PDILT: variants seen among roughly 807,000 people sequenced by gnomAD.
PDILT encodes the protein protein disulfide-isomerase-like protein of the testis.
A neutral mutation model predicts 53.7 loss-of-function variants in PDILT; 43 were observed. The ratio of observed to expected loss-of-function variants is 0.80; its 90% CI spans 0.63 to 1.03. The LOEUF is 1.03. PDILT is among the 50% of genes least tolerant of loss of function. The pLI is 0.00. For missense variants in PDILT, 727 were observed against 712.3 expected (o/e 1.02, Z -0.24); for synonymous variants, 282 against 274.2 (o/e 1.03, Z -0.28).
intron 2 of PDILT, 61 bp from the exon 3 acceptor site, chr16:20,384,912 G>A: frequency 6.6e-7 from 1 of 1,522,652 alleles, no homozygotes; most frequent in Non-Finnish European, 9.1e-7. Context: ...TCCAACAGTA[G>A]ATTATTTGTT....
chr16:20,386,381 C>A lies in PDILT; in HGVS notation c.203-1530G>T, dbSNP rs142006574. The stretch of plus-strand genomic sequence containing the variant: ...AGGGGGTCATTGATTGCCTTTCAAG[C>A]CAGAACATTTTATCTTTTTCACTGC... On this transcript the variant is annotated intron_variant, in intron 2 of 11. Transcript: ENST00000302451. Among the ~76,000 whole-genome samples, 803 of 152,284 alleles carry A rather than the reference C, an allele frequency of 5.3e-3. 16 individuals are homozygous for A. In the South Asian group the frequency reaches 0.06, roughly 11 times the overall value.
At chr16:20,364,816 G>A (rs1966166699) in intron 9 of PDILT, among the ~76,000 whole-genome samples, 2 of 152,170 alleles carry the variant, frequency 1.3e-5, no homozygotes, top group Non-Finnish European at 2.9e-5. Context: ...TATGCCAGAC[G>A]CTGTGCTAAG....
At chr16:20,402,541 C>A (rs140232342) in intron 1 of PDILT, among the ~76,000 whole-genome samples, 1 of 152,140 alleles carries the variant, frequency 6.6e-6, no homozygotes, top group African/African-American at 2.4e-5. Context: ...TCAGGTGATC[C>A]GCCCACCTCG....
At chr16:20,372,765 C>T in intron 7 of PDILT, 37 bp downstream of exon 7, 1 of 1,601,060 alleles carries the variant, frequency 6.2e-7, no homozygotes, top group Non-Finnish European at 8.5e-7. Context: ...GGATCCTCAT[C>T]CAGGAGTCCC....
rs763787161 is a variant in PDILT at position 20,359,425 on chromosome 16, T to G, written c.1649A>C (p.Glu550Ala). Residue 550 changes from glutamate to alanine, a missense_variant, in exon 12 of 12, where the codon GAG becomes GCG. Glu to Ala is a moderately radical substitution (Grantham distance 107). Transcript: ENST00000302451. ...AGATGTTTTCTTCTTCCCAGCGGGC[T>G]CTTCCAGCTTGGATACGTACTTGGT... ...NMTKYVSKLEEPAGKKKTSEE... is the reference protein window; with the variant it reads ...NMTKYVSKLEAPAGKKKTSEE... 1.2e-6 allele frequency: 2 copies of G among 1,614,186 alleles called. No homozygotes were observed. The highest frequency in any genetic ancestry group is 2.2e-5 in the South Asian group (2 of 91,078).
At chr16:20,373,872 A>T (rs112772961) in intron 5 of PDILT, among the ~76,000 whole-genome samples, 1 of 152,198 alleles carries the variant, frequency 6.6e-6, no homozygotes, top group Non-Finnish European at 1.5e-5. Context: ...TGCCTGATTC[A>T]TGAATTGTTC....
At chr16:20,373,620 C>T (rs957125191) in intron 5 of PDILT, among the ~76,000 whole-genome samples, 13 of 152,178 alleles carry the variant, frequency 8.5e-5, no homozygotes, top group African/African-American at 2.2e-4. Context: ...ATAACCTAAA[C>T]GGAGGTGTAA....
At chr16:20,365,614 G>A (rs1966179880) in intron 8 of PDILT, 74 bp from the exon 9 acceptor site, 3 of 1,539,946 alleles carry the variant, frequency 1.9e-6, no homozygotes. Context: ...CACCTTGATT[G>A]GAAACCACTA....
chr16:20,386,851 A>AG (rs1267544391), intron 2 of PDILT, among the ~76,000 whole-genome samples: 5 of 152,150 alleles, frequency 3.3e-5, no homozygotes, highest in African/African-American at 7.2e-5. Context: ...TCCGAATCTG[A>AG]GTTTCTGAGG....
intron 7 of PDILT, among the ~76,000 whole-genome samples, chr16:20,371,752 C>T (rs1966308996): frequency 6.6e-6 from 1 of 151,858 alleles, no homozygotes; most frequent in Non-Finnish European, 1.5e-5. Context: ...GCATTGACTA[C>T]TGTAAAATAG....
rs576732999 is a variant in PDILT at position 20,374,124 on chromosome 16, A to T, written c.681+698T>A. On this transcript the variant is annotated intron_variant, in intron 5 of 11. Coordinates refer to ENST00000302451, the MANE Select transcript of PDILT (RefSeq NM_174924.2). ...ATGCTTGAATAACTTTTTTTTTTTT[A>T]AAGATGTAGACTCACTATGCTGCCC... Among the ~76,000 whole-genome samples the T allele has an allele frequency of 4.3e-3, 642 of 150,072 alleles. 7 individuals are homozygous for T. Among genetic ancestry groups the T allele is most frequent in the African/African-American group, 0.015 (615 of 40,736 alleles).
chr16:20,372,773 C>T, intron 7 of PDILT, 29 bp downstream of exon 7: 5 of 1,605,628 alleles, frequency 3.1e-6, no homozygotes, highest in Non-Finnish European at 4.3e-6. Context: ...ATCCAGGAGT[C>T]CCAGAGAGCA....
rs76914579 is a variant in PDILT at position 20,364,394 on chromosome 16, T to C, written c.1237+1026A>G. On this transcript the variant is annotated intron_variant, in intron 9 of 11. Coordinates refer to ENST00000302451, the MANE Select transcript of PDILT (RefSeq NM_174924.2). Reference sequence around the variant, plus strand: ...CCTTGTCTTACCCTCCAGAAAGTAATAGCACTAGAGCTTGTGTTAAACTTC... The same window carrying C: ...CCTTGTCTTACCCTCCAGAAAGTAACAGCACTAGAGCTTGTGTTAAACTTC... Among the ~76,000 whole-genome samples, 1,129 of 152,308 alleles carry C rather than the reference T, an allele frequency of 7.4e-3. 24 individuals are homozygous for C. Among genetic ancestry groups the C allele is most frequent in the African/African-American group, 0.026 (1,091 of 41,560 alleles).
intron 10 of PDILT, 58 bp downstream of exon 10, chr16:20,362,346 A>T: frequency 6.4e-7 from 1 of 1,568,432 alleles, no homozygotes; most frequent in South Asian, 1.2e-5. Context: ...GGAGAAACTG[A>T]GTCCCTGATA....
intron 3 of PDILT, 131 bp from the exon 4 acceptor site, chr16:20,376,332 A>T: frequency 9.7e-7 from 1 of 1,033,926 alleles, no homozygotes; most frequent in East Asian, 2.6e-5. Context: ...GGCCAAAGTC[A>T]GTTCCTCCAT....
intron 8 of PDILT, among the ~76,000 whole-genome samples, chr16:20,367,068 TTTCTTTCTTTCTTTCTTTCTTTC>T (rs1337767114): frequency 2.3e-5 from 3 of 132,168 alleles, no homozygotes; most frequent in African/African-American, 9.1e-5. Context: ...TCTTTCTTTC[TTTCTTTCTTTCTTTCTTTCTTTC>T]TTTCTTTCTT....
At chr16:20,371,492 C>T (rs1966305411) in intron 7 of PDILT, among the ~76,000 whole-genome samples, 3 of 152,192 alleles carry the variant, frequency 2.0e-5, no homozygotes, top group Admixed American at 2.0e-4. Context: ...TCCTTGTGTA[C>T]TTTCAATAAA....
intron 3 of PDILT, among the ~76,000 whole-genome samples, chr16:20,376,427 C>A (rs1269616342): frequency 1.3e-5 from 2 of 152,206 alleles, no homozygotes; most frequent in Admixed American, 1.3e-4. Context: ...AGACACTGTG[C>A]TGAACGTTTT....
intron 2 of PDILT, among the ~76,000 whole-genome samples, chr16:20,387,368 C>T (rs1228699909): frequency 6.6e-6 from 1 of 152,140 alleles, no homozygotes; most frequent in Admixed American, 6.5e-5. Context: ...GCCATGTAGA[C>T]ATCTAGCAGG....
Sources: allele counts gnomAD v4.1 joint callset (sites outside exome capture counted in the v4.1 genomes callset), GRCh38; gene constraint gnomAD v4.1.1; transcripts MANE v1.5; gene names NCBI Gene and HGNC (gene_info 2026-07-23, HGNC 2026-07-21).